The following GRB2 variants were observed in gnomAD, a reference collection of about 807,000 sequenced individuals.
GRB2 encodes growth factor receptor-bound protein 2.
In GRB2, 2 loss-of-function variants were observed where a neutral mutation model predicts 27.4. The ratio of observed to expected loss-of-function variants is 0.07; its 90% CI spans 0.03 to 0.23. The LOEUF (loss-of-function observed/expected upper bound fraction) is 0.23, where lower values mean the gene tolerates loss of function less well. GRB2 is among the 10% of genes least tolerant of loss of function. The pLI is 1.00. For missense variants in GRB2, 102 were observed against 282.4 expected (o/e 0.36, Z 4.58); for synonymous variants, 94 against 99.6 (o/e 0.94, Z 0.33).
At chr17:75,328,869 C>T (rs1332406328) in intron 3 of GRB2, among the ~76,000 whole-genome samples, 1 of 151,734 alleles carries the variant, frequency 6.6e-6, no homozygotes, top group Non-Finnish European at 1.5e-5. Flanking sequence ...ACCTGGGAGG[C>T]GGAGCTTGCA....
At chr17:75,403,665 G>C (rs146562536) in intron 1 of GRB2, among the ~76,000 whole-genome samples, 1 of 152,136 alleles carries the variant, frequency 6.6e-6, no homozygotes, top group Non-Finnish European at 1.5e-5. Flanking sequence ...TCGGGAGTGC[G>C]AGGCAGGAGA....
intron 2 of GRB2, among the ~76,000 whole-genome samples, chr17:75,376,599 A>G (rs1406419797): frequency 6.6e-6 from 1 of 152,080 alleles, no homozygotes; most frequent in Non-Finnish European, 1.5e-5. Context: ...CCTGTATAAC[A>G]TAATTTGTAA....
At chr17:75,331,544 T>C (rs1188135060) in intron 3 of GRB2, among the ~76,000 whole-genome samples, 3 of 152,228 alleles carry the variant, frequency 2.0e-5, no homozygotes, top group Non-Finnish European at 4.4e-5. Context: ...TGATGTTCTG[T>C]TGAATTCCCT....
intron 4 of GRB2, among the ~76,000 whole-genome samples, chr17:75,322,246 C>T (rs1488360217): frequency 2.6e-5 from 4 of 151,968 alleles, no homozygotes; most frequent in Admixed American, 2.0e-4. Flanking sequence ...ATGGTGCATG[C>T]CTGTAATCCC....
At chr17:75,389,826 C>A (rs181944906) in intron 2 of GRB2, among the ~76,000 whole-genome samples, 1 of 152,208 alleles carries the variant, frequency 6.6e-6, no homozygotes, top group Non-Finnish European at 1.5e-5. Flanking sequence ...GCCTGGGTGA[C>A]AGAGCGAGAC....
intron 4 of GRB2, among the ~76,000 whole-genome samples, 185 bp downstream of exon 4, chr17:75,325,713 C>T (rs961578126): frequency 6.6e-6 from 1 of 152,206 alleles, no homozygotes; most frequent in Non-Finnish European, 1.5e-5. Context: ...ACATGGGAAT[C>T]TACATCCAGT....
intron 2 of GRB2, among the ~76,000 whole-genome samples, chr17:75,364,924 A>G (rs929356387): frequency 6.6e-6 from 1 of 152,082 alleles, no homozygotes; most frequent in Non-Finnish European, 1.5e-5. Context: ...ACTTAGGTCA[A>G]TTCTCACAGG....
intron 2 of GRB2, chr17:75,371,241 A>G (rs1246370495): frequency 1.3e-5 from 2 of 152,182 alleles, no homozygotes; most frequent in East Asian, 3.8e-4. Context: ...AAGACTCAAG[A>G]AAAAAGTAGT....
In GRB2 at chr17:75,380,993, C is replaced by T. The variant is rs532724089; in HGVS notation, c.78+12558G>A. Reference sequence around the variant, plus strand: ...ATGGGCCATTCTCACTTAAGGTCATCTTAAGTAGGTAACCATTTGTTCAGC... The same window carrying T: ...ATGGGCCATTCTCACTTAAGGTCATTTTAAGTAGGTAACCATTTGTTCAGC... On this transcript the variant is annotated intron_variant, in intron 2 of 5. Transcript: ENST00000316804. 3.3e-4 allele frequency among the ~76,000 whole-genome samples: 50 copies of T among 152,316 alleles called. No individual in the cohort carries two copies. The South Asian group carries it at 5.0e-3, about 15-fold the overall frequency.
chr17:75,364,557 A>G (rs1002460772), intron 2 of GRB2, among the ~76,000 whole-genome samples: 2 of 152,084 alleles, frequency 1.3e-5, no homozygotes, highest in African/African-American at 4.8e-5. Flanking sequence ...TCCAGAGTCC[A>G]TGTCTGTAAC....
intron 2 of GRB2, among the ~76,000 whole-genome samples, chr17:75,365,531 T>C (rs1270070939): frequency 1.3e-5 from 2 of 152,188 alleles, no homozygotes; most frequent in East Asian, 1.9e-4. Context: ...GGTGAGAAGA[T>C]GACTTAAAAG....
At chr17:75,357,434 T>C (rs1221158129) in intron 2 of GRB2, among the ~76,000 whole-genome samples, 1 of 152,204 alleles carries the variant, frequency 6.6e-6, no homozygotes, top group Non-Finnish European at 1.5e-5. Context: ...ATGTTAGTAA[T>C]AGGTGAAAGT....
At chr17:75,331,962 A>C (rs897170491) in intron 3 of GRB2, among the ~76,000 whole-genome samples, 2 of 152,192 alleles carry the variant, frequency 1.3e-5, no homozygotes, top group Admixed American at 6.5e-5. Context: ...CTGTGAAAGC[A>C]AGTGGACAAT....
chr17:75,400,911 T>C (rs2079059322), intron 1 of GRB2, among the ~76,000 whole-genome samples: 2 of 151,876 alleles, frequency 1.3e-5, no homozygotes, highest in African/African-American at 2.4e-5. Flanking sequence ...ACACCCTTGA[T>C]CAATATCCAT....
chr17:75,362,450 CA>C (rs2078789574), intron 2 of GRB2, among the ~76,000 whole-genome samples: 1 of 152,194 alleles, frequency 6.6e-6, no homozygotes, highest in South Asian at 2.1e-4. Context: ...TTCACTCCAC[CA>C]AATCACTCAG....
chr17:75,323,687 C>T (rs951965147), intron 4 of GRB2, among the ~76,000 whole-genome samples: 7 of 152,164 alleles, frequency 4.6e-5, no homozygotes, highest in South Asian at 4.1e-4. Flanking sequence ...TGGCTGCCCC[C>T]GTGGTTTTGG....
intron 2 of GRB2, among the ~76,000 whole-genome samples, chr17:75,362,777 T>A (rs1322576983): frequency 6.6e-6 from 1 of 152,212 alleles, no homozygotes; most frequent in African/African-American, 2.4e-5. Context: ...GGTACCTAAG[T>A]ACAATGGTGT....
chr17:75,381,850 A>G (rs1400535457), intron 2 of GRB2, among the ~76,000 whole-genome samples: 2 of 152,090 alleles, frequency 1.3e-5, no homozygotes, highest in Non-Finnish European at 2.9e-5. Flanking sequence ...AGGGTCCAAA[A>G]TACATTTTTT....
At chr17:75,372,886 C>T (rs1033916593) in intron 2 of GRB2, 3 of 152,154 alleles carry the variant, frequency 2.0e-5, no homozygotes, top group African/African-American at 7.2e-5. Context: ...CACAGAAACA[C>T]CAATTTATAA....
Sources: allele counts gnomAD v4.1 joint callset (sites outside exome capture counted in the v4.1 genomes callset), GRCh38; gene constraint gnomAD v4.1.1; transcripts MANE v1.5; gene names NCBI Gene and HGNC (gene_info 2026-07-23, HGNC 2026-07-21).